RIT2: variants seen among roughly 807,000 people sequenced by gnomAD.
The protein encoded by RIT2 is GTP-binding protein Rit2.
RIT2 carries 24 observed loss-of-function variants against 23.7 expected under a neutral mutation model. That is an observed-to-expected ratio of 1.01 (90% confidence interval 0.73 to 1.43). RIT2 has a LOEUF of 1.43. RIT2 is among the 40% of genes most tolerant of loss of function. The pLI, the probability that RIT2 is intolerant of heterozygous loss-of-function variation, is 0.00. For missense variants in RIT2, 236 were observed against 266.9 expected, an observed-to-expected ratio of 0.88 and a Z score of 0.81; for synonymous variants, 107 against 91.1, an observed-to-expected ratio of 1.17 and a Z score of -0.99.
At chr18:42,870,060 A>T (rs1907582595) in intron 4 of RIT2, among the ~76,000 whole-genome samples, 1 of 152,154 alleles carries the variant, frequency 6.6e-6, no homozygotes, top group South Asian at 2.1e-4. Context: ...CACATGGCAA[A>T]CACACACTAA....
At chr18:43,067,930 A>G (rs540654265) in intron 1 of RIT2, among the ~76,000 whole-genome samples, 1 of 152,236 alleles carries the variant, frequency 6.6e-6, no homozygotes, top group South Asian at 2.1e-4. Flanking sequence ...TATTTTTGGT[A>G]TGCAAGACTA....
intron 1 of RIT2, among the ~76,000 whole-genome samples, chr18:43,083,610 A>G (rs1486316135): frequency 2.6e-5 from 4 of 152,168 alleles, no homozygotes; most frequent in African/African-American, 9.7e-5. Context: ...TACAAACCTG[A>G]CAAAAACAAA....
chr18:42,752,089 A>T (rs2143884868), intron 4 of RIT2, among the ~76,000 whole-genome samples: 1 of 152,104 alleles, frequency 6.6e-6, no homozygotes, highest in South Asian at 2.1e-4. Flanking sequence ...CAAAATATTA[A>T]TTTTTATAGA....
At chr18:42,978,806 T>C (rs970777489) in intron 2 of RIT2, among the ~76,000 whole-genome samples, 1 of 152,138 alleles carries the variant, frequency 6.6e-6, no homozygotes, top group African/African-American at 2.4e-5. Context: ...TAAAGACCTA[T>C]ATTAAAGCCT....
chr18:42,797,688 A>G (rs1184094945), intron 4 of RIT2, among the ~76,000 whole-genome samples: 1 of 152,172 alleles, frequency 6.6e-6, no homozygotes, highest in Non-Finnish European at 1.5e-5. Flanking sequence ...AAGTTTTCAA[A>G]ATATGTTTTC....
intron 4 of RIT2, among the ~76,000 whole-genome samples, chr18:42,842,490 A>T (rs1358250533): frequency 6.6e-6 from 1 of 152,184 alleles, no homozygotes; most frequent in Non-Finnish European, 1.5e-5. Flanking sequence ...AAAGTGTATT[A>T]ATGTAAATAT....
chr18:42,924,413 A>G (rs1368589100), intron 3 of RIT2, among the ~76,000 whole-genome samples: 3 of 151,914 alleles, frequency 2.0e-5, no homozygotes. Flanking sequence ...GGGATGGATC[A>G]GTTTCTACAT....
chr18:42,811,974 A>C (rs1414913152), intron 4 of RIT2, among the ~76,000 whole-genome samples: 1 of 152,162 alleles, frequency 6.6e-6, no homozygotes, highest in East Asian at 1.9e-4. Flanking sequence ...TATGAAAGTC[A>C]TGGGGCTACG....
rs890829762 is a variant in RIT2, at chr18:42,957,807, T to C, written c.234+16267A>G. 9.2e-5 allele frequency among the ~76,000 whole-genome samples: 14 copies of C among 152,232 alleles called. 1 individual carries two copies. Among genetic ancestry groups the C allele is most frequent in the Admixed American group, 7.2e-4 (11 of 15,282 alleles). ...TCAAAAAATTAATTAACTAATTAATTGATTCATTAATTAATAATAATTTAC... is the reference window on the plus strand; with the variant it reads ...TCAAAAAATTAATTAACTAATTAATCGATTCATTAATTAATAATAATTTAC... On this transcript the variant is annotated intron_variant, in intron 3 of 4. Coordinates refer to ENST00000326695, the MANE Select transcript of RIT2 (RefSeq NM_002930.4).
At chr18:43,032,462 T>C (rs1247299530) in intron 2 of RIT2, among the ~76,000 whole-genome samples, 2 of 152,090 alleles carry the variant, frequency 1.3e-5, no homozygotes, top group African/African-American at 4.8e-5. Context: ...TCCAACAAGA[T>C]AAAAGATTCA....
chr18:43,029,010 A>G (rs1911794584), intron 2 of RIT2, among the ~76,000 whole-genome samples: 1 of 152,082 alleles, frequency 6.6e-6, no homozygotes, highest in African/African-American at 2.4e-5. Flanking sequence ...CTGGTCTAAC[A>G]GCCATTGAGC....
chr18:42,976,184 A>G (rs1337885710), intron 2 of RIT2, among the ~76,000 whole-genome samples: 1 of 152,088 alleles, frequency 6.6e-6, no homozygotes, highest in African/African-American at 2.4e-5. Flanking sequence ...CTTGAAAGAT[A>G]AAGAAATGCT....
At chr18:42,845,463 T>A (rs1451908324) in intron 4 of RIT2, among the ~76,000 whole-genome samples, 1 of 150,538 alleles carries the variant, frequency 6.6e-6, no homozygotes, top group Admixed American at 6.6e-5. Flanking sequence ...AAAATATAGA[T>A]TTATATAGAC....
chr18:42,758,676 G>A (rs1212686834), intron 4 of RIT2, among the ~76,000 whole-genome samples: 2 of 112,456 alleles, frequency 1.8e-5, no homozygotes, highest in African/African-American at 5.6e-5. Context: ...ACTGCACCCG[G>A]CTAATTTTTT....
chr18:42,952,365 G>A (rs985423010), intron 3 of RIT2, among the ~76,000 whole-genome samples: 2 of 152,066 alleles, frequency 1.3e-5, no homozygotes, highest in African/African-American at 4.8e-5. Context: ...AATGGTGGTT[G>A]CCAGGGGCTA....
intron 4 of RIT2, among the ~76,000 whole-genome samples, chr18:42,844,583 G>C (rs1311561020): frequency 1.3e-5 from 2 of 151,932 alleles, no homozygotes; most frequent in African/African-American, 4.8e-5. Flanking sequence ...CTGAAGTCAG[G>C]ATGCCTCTCT....
chr18:43,045,530 T>C (rs1246965030), intron 1 of RIT2, among the ~76,000 whole-genome samples: 1 of 152,178 alleles, frequency 6.6e-6, no homozygotes, highest in Non-Finnish European at 1.5e-5. Context: ...TATCAAAGCA[T>C]TAAGGCACCC....
At chr18:43,092,659 C>T (rs892096516) in intron 1 of RIT2, among the ~76,000 whole-genome samples, 1 of 152,090 alleles carries the variant, frequency 6.6e-6, no homozygotes, top group East Asian at 1.9e-4. Flanking sequence ...ATAGGAGCCC[C>T]ATATTAACTG....
At chr18:43,028,235 T>C (rs752753537) in intron 2 of RIT2, among the ~76,000 whole-genome samples, 6 of 152,096 alleles carry the variant, frequency 3.9e-5, no homozygotes, top group Non-Finnish European at 7.4e-5. Context: ...GCAGTTAACT[T>C]AGATAAGGTG....
Sources: allele counts gnomAD v4.1 joint callset (sites outside exome capture counted in the v4.1 genomes callset), GRCh38; gene constraint gnomAD v4.1.1; transcripts MANE v1.5; gene names NCBI Gene and HGNC (gene_info 2026-07-23, HGNC 2026-07-21).